The following LNX2 variants were observed in gnomAD, a reference collection of about 807,000 sequenced individuals.
LNX2 encodes the protein ligand of Numb protein X 2.
In LNX2, 35 loss-of-function variants were observed where a neutral mutation model predicts 66.2. The observed-to-expected ratio is 0.53, with a 90% CI of 0.40 to 0.70. The LOEUF is 0.70. Ranked by LOEUF, LNX2 falls within the 30% of genes least tolerant of loss-of-function variation. The probability of loss-of-function intolerance (pLI) is 0.00; values close to 1 mark genes in which losing one functional copy is unlikely to be tolerated. For synonymous variants in LNX2, 337 were observed against 315.6 expected (o/e 1.07, Z -0.72); for missense variants, 791 against 850.8 (o/e 0.93, Z 0.87).
chr13:27,581,020 C>T (rs940071386), intron 2 of LNX2, among the ~76,000 whole-genome samples: 1 of 152,140 alleles, frequency 6.6e-6, no homozygotes, highest in East Asian at 1.9e-4. Context: ...ATCATAATAT[C>T]CTGTCATCTA....
chr13:27,562,583 C>A lies in LNX2; in HGVS notation c.1054G>T (p.Gly352Cys). 1.2e-6 allele frequency: 2 copies of A among 1,614,144 alleles called. No individual in the cohort carries two copies. Among genetic ancestry groups the A allele is most frequent in the Non-Finnish European group, 1.7e-6 (2 of 1,180,030 alleles). The part of the protein sequence containing the change: ...LHKRDSGEQL[G>C]IKLVRRTDEP... ...TCTGTCCTTCGCACCAATTTAATGC[C>A]AAGCTGTTCACCAGAGTCCCGTTTA... The change falls in exon 5 of 10, where the codon GGC becomes TGC. Residue 352 changes from glycine to cysteine, a missense_variant. Transcript: ENST00000316334.
intron 9 of LNX2, among the ~76,000 whole-genome samples, chr13:27,550,091 G>C (rs1954987865): frequency 6.6e-6 from 1 of 152,168 alleles, no homozygotes; most frequent in South Asian, 2.1e-4. Flanking sequence ...TTTCCGTAAG[G>C]GGTCAGATGG....
intron 1 of LNX2, among the ~76,000 whole-genome samples, chr13:27,584,557 A>C (rs1483174977): frequency 3.3e-5 from 5 of 151,806 alleles, no homozygotes; most frequent in African/African-American, 1.2e-4. Flanking sequence ...GCAATGGTGC[A>C]TGGCTGTAGT....
chr13:27,560,565 G>GTGTGTATGTGTATATACATATA (rs35007288), intron 5 of LNX2, among the ~76,000 whole-genome samples: 1 of 119,970 alleles, frequency 8.3e-6, no homozygotes, highest in Non-Finnish European at 1.7e-5. Context: ...ATGTATGTGT[G>GTGTGTATGTGTATATACATATA]TATATATATA....
chr13:27,548,489 A>G lies in LNX2; in HGVS notation c.1938-19T>C. On this transcript the variant is annotated intron_variant, in intron 9 of 9. Coordinates refer to ENST00000316334, the MANE Select transcript of LNX2 (RefSeq NM_153371.4). ...ACCACACCTGGACAAAGAGAGACAG[A>G]TACAGAATGTTACTATTTTCATGGT... 6.3e-7 allele frequency: 1 copy of G among 1,598,478 alleles called. No homozygotes were observed. The highest frequency in any genetic ancestry group is 8.5e-7 in the Non-Finnish European group (1 of 1,174,738).
At chr13:27,606,713 T>C (rs1417677260) in intron 1 of LNX2, among the ~76,000 whole-genome samples, 2 of 152,184 alleles carry the variant, frequency 1.3e-5, no homozygotes, top group Non-Finnish European at 2.9e-5. Flanking sequence ...ACCAGGTAGC[T>C]GGGGTGAAGA....
chr13:27,571,143 C>T (rs767082214), intron 2 of LNX2, among the ~76,000 whole-genome samples: 2 of 152,120 alleles, frequency 1.3e-5, no homozygotes, highest in Admixed American at 6.5e-5. Context: ...TGGGAAAACC[C>T]ATATTTAAAT....
upstream of LNX2, chr13:27,620,637 G>T (rs1052064876): frequency 6.5e-6 from 1 of 153,942 alleles, no homozygotes; most frequent in Non-Finnish European, 1.5e-5. Flanking sequence ...GCCAATCGGA[G>T]GTAGCACAGG....
chr13:27,578,205 A>G (rs1172309497), intron 2 of LNX2, among the ~76,000 whole-genome samples: 1 of 152,240 alleles, frequency 6.6e-6, no homozygotes, highest in Non-Finnish European at 1.5e-5. Context: ...TATGCAAACT[A>G]CTGCTAATGC....
At chr13:27,560,649 C>T (rs1025626281) in intron 5 of LNX2, among the ~76,000 whole-genome samples, 8 of 149,630 alleles carry the variant, frequency 5.3e-5, no homozygotes, top group Non-Finnish European at 1.0e-4. Flanking sequence ...TCATGACTGT[C>T]GTTTTAAATT....
chr13:27,589,896 C>T (rs1353673473), intron 1 of LNX2, among the ~76,000 whole-genome samples: 1 of 152,246 alleles, frequency 6.6e-6, no homozygotes, highest in African/African-American at 2.4e-5. Flanking sequence ...TCCAGCACCT[C>T]CAACACGTGG....
chr13:27,549,385 A>G (rs1387599086), intron 9 of LNX2, among the ~76,000 whole-genome samples: 2 of 151,246 alleles, frequency 1.3e-5, no homozygotes, highest in Admixed American at 6.6e-5. Flanking sequence ...TCTGCTGGTG[A>G]TGATGTCTTG....
At chr13:27,604,190 G>A (rs1157972449) in intron 1 of LNX2, among the ~76,000 whole-genome samples, 2 of 152,234 alleles carry the variant, frequency 1.3e-5, no homozygotes, top group African/African-American at 2.4e-5. Context: ...AGCTTGCAGT[G>A]AGCCGAGACT....
chr13:27,564,461 T>A (rs1209920714), intron 4 of LNX2, among the ~76,000 whole-genome samples: 1 of 152,198 alleles, frequency 6.6e-6, no homozygotes, highest in East Asian at 1.9e-4. Flanking sequence ...TTATTCTTAA[T>A]AATGTTCTAA....
chr13:27,616,267 T>A (rs1171549519), intron 1 of LNX2, among the ~76,000 whole-genome samples: 1 of 152,098 alleles, frequency 6.6e-6, no homozygotes, highest in Admixed American at 6.5e-5. Context: ...TGAGTTTGTC[T>A]AAAGCCCTGG....
At position 27,581,309 on chromosome 13, in the gene LNX2, T is replaced by C; in HGVS notation, c.395A>G (p.His132Arg). 6.8e-7 allele frequency: 1 copy of C among 1,480,792 alleles called. No individual in the cohort carries two copies. Among genetic ancestry groups the C allele is most frequent in the Non-Finnish European group, 9.0e-7 (1 of 1,113,126 alleles). The allele number at this position is 1,480,792 out of a possible 1,614,324, so 91.7% of individuals were successfully genotyped here. The change falls in exon 2 of 10, where the codon CAT becomes CGT. Residue 132 changes from histidine to arginine, a missense_variant. By Grantham distance (29) the His-to-Arg change is conservative (BLOSUM62 0). Transcript: ENST00000316334. ...DVMQRCDLEA[H>R]LKNRCPGASH... ...ATTTTTTGCTTACCTGTTTTTGAGATGTGCCTCCAGATCACAACGTTGCAT... is the reference window on the plus strand; with the variant it reads ...ATTTTTTGCTTACCTGTTTTTGAGACGTGCCTCCAGATCACAACGTTGCAT...
chr13:27,564,519 AT>A (rs994905604), intron 4 of LNX2, among the ~76,000 whole-genome samples: 2 of 151,484 alleles, frequency 1.3e-5, no homozygotes, highest in East Asian at 1.9e-4. Flanking sequence ...TAATAGCAGT[AT>A]TTTTTTTTCT....
At chr13:27,591,684 A>C (rs1019199505) in intron 1 of LNX2, among the ~76,000 whole-genome samples, 8 of 152,222 alleles carry the variant, frequency 5.3e-5, no homozygotes, top group Non-Finnish European at 1.2e-4. Context: ...TTGAGCACTG[A>C]ACAGACAAAA....
chr13:27,563,838 C>A (rs920507552), intron 4 of LNX2, among the ~76,000 whole-genome samples: 3 of 152,184 alleles, frequency 2.0e-5, no homozygotes, highest in African/African-American at 7.2e-5. Flanking sequence ...GACCTATTAA[C>A]ACCTTTCAGA....
Sources: gnomAD v4.1 joint callset for allele counts (sites outside exome capture counted in the v4.1 genomes callset) on GRCh38, gnomAD v4.1.1 for gene constraint, MANE v1.5 for transcripts, NCBI Gene and HGNC (gene_info 2026-07-23, HGNC 2026-07-21) for gene names.